The following ANGEL2 variants were observed in gnomAD, a reference collection of about 807,000 sequenced individuals.
ANGEL2 encodes angel homolog 2.
A neutral mutation model predicts 66.0 loss-of-function variants in ANGEL2; 41 were observed. That is an observed-to-expected ratio of 0.62 (90% CI 0.48 to 0.81). ANGEL2 has a LOEUF of 0.81. Among genes scored for constraint, ANGEL2 ranks in the 30% least tolerant of loss-of-function variants. ANGEL2 has a pLI of 0.00. For synonymous variants in ANGEL2, 208 were observed against 226.5 expected (o/e 0.92, Z 0.73); for missense variants, 561 against 641.6 (o/e 0.87, Z 1.36).
At chr1:213,009,969 G>A (rs1278235831) in intron 2 of ANGEL2, among the ~76,000 whole-genome samples, 2 of 149,886 alleles carry the variant, frequency 1.3e-5, no homozygotes, top group Non-Finnish European at 3.0e-5. Flanking sequence ...GAGAATCGCT[G>A]TAACCCGGGA....
At chr1:212,996,634 A>ATATATATAT (rs1298007497) in intron 8 of ANGEL2, among the ~76,000 whole-genome samples, 3 of 49,226 alleles carry the variant, frequency 6.1e-5, no homozygotes, top group East Asian at 8.3e-4. Flanking sequence ...AAAAAAAAAA[A>ATATATATAT]AAAAAAATAT....
intron 2 of ANGEL2, among the ~76,000 whole-genome samples, chr1:213,009,641 G>T (rs1258064410): frequency 1.3e-5 from 2 of 152,196 alleles, no homozygotes; most frequent in Non-Finnish European, 2.9e-5. Context: ...ATATTTTTAA[G>T]AGTAGTTATC....
At chr1:212,996,691 T>G (rs1199919164) in intron 8 of ANGEL2, among the ~76,000 whole-genome samples, 2 of 121,180 alleles carry the variant, frequency 1.7e-5, no homozygotes, top group Admixed American at 1.8e-4. Context: ...CTCAGAAAAA[T>G]CCAATATTCC....
intron 4 of ANGEL2, 23 bp from the exon 5 acceptor site, chr1:213,005,477 A>G: frequency 6.5e-7 from 1 of 1,542,048 alleles, no homozygotes; most frequent in Non-Finnish European, 8.7e-7. Flanking sequence ...AATGAATTTA[A>G]AACAAATGAC....
chr1:213,003,607 G>A (rs115912000), intron 5 of ANGEL2, among the ~76,000 whole-genome samples: 1,635 of 152,118 alleles, frequency 0.011, 29 homozygotes, highest in African/African-American at 0.034. Flanking sequence ...ATTTTATATG[G>A]GTACAGTTCA....
At chr1:213,007,444 A>G (rs2076366080) in intron 3 of ANGEL2, among the ~76,000 whole-genome samples, 2 of 152,180 alleles carry the variant, frequency 1.3e-5, no homozygotes, top group South Asian at 4.1e-4. Context: ...TATTATTTCC[A>G]AAAGGAAATA....
intron 8 of ANGEL2, among the ~76,000 whole-genome samples, chr1:212,996,161 G>A (rs891661180): frequency 6.6e-6 from 1 of 152,076 alleles, no homozygotes; most frequent in Admixed American, 6.5e-5. Context: ...CAAAAAATTA[G>A]CCGGGCATGG....
At chr1:213,013,667 A>C (rs2076565963) in intron 1 of ANGEL2, among the ~76,000 whole-genome samples, 1 of 152,194 alleles carries the variant, frequency 6.6e-6, no homozygotes. Context: ...CTCCCAAAAT[A>C]CCACATACCC....
intron 7 of ANGEL2, among the ~76,000 whole-genome samples, chr1:212,997,800 A>G (rs1424840060): frequency 6.6e-6 from 1 of 152,236 alleles, no homozygotes; most frequent in East Asian, 1.9e-4. Flanking sequence ...TGCCCCATGC[A>G]CAAATATATG....
At chr1:213,006,866 C>T (rs2076343610) in intron 4 of ANGEL2, 1 of 381,222 alleles carries the variant, frequency 2.6e-6, no homozygotes, top group African/African-American at 2.1e-5. Flanking sequence ...GCAAGTTATA[C>T]TTTAATGACA....
chr1:213,004,025 G>T (rs752054294), intron 5 of ANGEL2, among the ~76,000 whole-genome samples: 2 of 151,984 alleles, frequency 1.3e-5, no homozygotes, highest in African/African-American at 2.4e-5. Flanking sequence ...CTAACACTGT[G>T]AAACCCCATC....
At chr1:213,012,707 C>T (rs1401749399) in intron 2 of ANGEL2, among the ~76,000 whole-genome samples, 1 of 152,138 alleles carries the variant, frequency 6.6e-6, no homozygotes, top group Non-Finnish European at 1.5e-5. Context: ...AATGAAAACA[C>T]TAAATTTTTT....
intron 3 of ANGEL2, 151 bp downstream of exon 3, chr1:213,008,059 T>C (rs1572144192): frequency 1.3e-6 from 1 of 794,974 alleles, no homozygotes; most frequent in East Asian, 2.9e-5. Context: ...AGACGGGGTT[T>C]CTCCATGTTG....
At chr1:213,014,921 A>G (rs946509178) in intron 1 of ANGEL2, among the ~76,000 whole-genome samples, 3 of 152,240 alleles carry the variant, frequency 2.0e-5, no homozygotes, top group Admixed American at 1.3e-4. Context: ...TAATTTCTAA[A>G]TACTTATGTT....
At chr1:213,004,704 C>T (rs926188489) in intron 5 of ANGEL2, among the ~76,000 whole-genome samples, 7 of 151,616 alleles carry the variant, frequency 4.6e-5, no homozygotes, top group Admixed American at 1.3e-4. Context: ...CCCGTCTCTA[C>T]TAAAAATACA....
chr1:213,015,404 G>A, intron 1 of ANGEL2: 1 of 1,424,368 alleles, frequency 7.0e-7, no homozygotes, highest in Non-Finnish European at 9.2e-7. Flanking sequence ...AGACCTCGTT[G>A]GCCCAGCGTC....
intron 6 of ANGEL2, 92 bp downstream of exon 6, chr1:213,000,694 C>A: frequency 1.5e-6 from 2 of 1,372,374 alleles, no homozygotes; most frequent in Non-Finnish European, 9.7e-7. Context: ...ATATTCATCC[C>A]TGAGATTTTT....
chr1:212,996,638 A>ATAT (rs56112652), intron 8 of ANGEL2, among the ~76,000 whole-genome samples: 2,921 of 50,726 alleles, frequency 0.058, 27 homozygotes, highest in East Asian at 0.14. Flanking sequence ...AAAAAAAAAA[A>ATAT]AAATATATAT....
intron 3 of ANGEL2, 136 bp downstream of exon 3, chr1:213,008,074 G>A (rs1483799471): frequency 1.4e-5 from 13 of 934,722 alleles, no homozygotes; most frequent in Non-Finnish European, 2.0e-5. Flanking sequence ...ATGTTGGTCA[G>A]GCTGGTCTCA....
Sources: gnomAD v4.1 joint callset for allele counts (sites outside exome capture counted in the v4.1 genomes callset) on GRCh38, gnomAD v4.1.1 for gene constraint, MANE v1.5 for transcripts, NCBI Gene and HGNC (gene_info 2026-07-23, HGNC 2026-07-21) for gene names.